The following DDX24 variants were observed in gnomAD, a reference collection of about 807,000 sequenced individuals.
The protein encoded by DDX24 is DEAD-box helicase 24.
A neutral mutation model predicts 68.9 loss-of-function variants in DDX24; 24 were observed. The ratio of observed to expected loss-of-function variants is 0.35; its 90% CI spans 0.25 to 0.49. The LOEUF (loss-of-function observed/expected upper bound fraction) is 0.49. Among genes scored for constraint, DDX24 ranks in the 20% least tolerant of loss-of-function variants. The probability of loss-of-function intolerance (pLI) is 0.99; values close to 1 mark genes in which losing one functional copy is unlikely to be tolerated. For synonymous variants in DDX24, 395 were observed against 385.2 expected, an observed-to-expected ratio of 1.03 and a Z score of -0.30; for missense variants, 989 against 1,039.0, an observed-to-expected ratio of 0.95 and a Z score of 0.66.
At position 94,067,022 on chromosome 14, in the gene DDX24, G is replaced by A. The variant is rs561844910; in HGVS notation, c.719-4401C>T. 5.9e-5 allele frequency among the ~76,000 whole-genome samples: 9 copies of A among 152,294 alleles called. No homozygotes were observed. The East Asian group carries it at 1.3e-3, about 23-fold the overall frequency. On this transcript the variant is annotated intron_variant, in intron 2 of 8. Coordinates refer to ENST00000621632, the MANE Select transcript of DDX24 (RefSeq NM_020414.4). Reference sequence around the variant, plus strand: ...ATTTACCTGAAAGAGAATTCAGGAGGTTAGTTATTAAGCTAATCAGGGAGG... The same window carrying A: ...ATTTACCTGAAAGAGAATTCAGGAGATTAGTTATTAAGCTAATCAGGGAGG...
Position 94,062,614 on chromosome 14 carries a change from C to T in DDX24, c.726G>A (p.Gly242=). ...DILGAAETGS[G]KTLAFAIPMI... ...TTGGGATGGCAAAGGCAAGAGTTTTCCCACTTCCTTAAAAGTAAAAAAACA... is the reference window on the plus strand; with the variant it reads ...TTGGGATGGCAAAGGCAAGAGTTTTTCCACTTCCTTAAAAGTAAAAAAACA... Residue 242 remains glycine (G), a synonymous_variant, in exon 3 of 9, where the codon GGG becomes GGA. Coordinates refer to ENST00000621632, the MANE Select transcript of DDX24 (RefSeq NM_020414.4). 1 of 1,588,392 alleles carries T rather than the reference C, an allele frequency of 6.3e-7. No homozygotes were observed. The highest frequency in any genetic ancestry group is 8.6e-7 in the Non-Finnish European group (1 of 1,168,832).
At chr14:94,057,725 C>A in intron 6 of DDX24, 97 bp downstream of exon 6, 1 of 1,204,974 alleles carries the variant, frequency 8.3e-7, no homozygotes, top group South Asian at 1.4e-5. Context: ...ATGCAAGAGC[C>A]TTGGAACCAA....
At chr14:94,058,880 C>CA (rs1427911888) in intron 5 of DDX24, among the ~76,000 whole-genome samples, 1 of 152,116 alleles carries the variant, frequency 6.6e-6, no homozygotes, top group Non-Finnish European at 1.5e-5. Flanking sequence ...AACTCTGCCG[C>CA]AAAAGAGGAT....
intron 6 of DDX24, 110 bp downstream of exon 6, chr14:94,057,712 C>T (rs1049431869): frequency 2.0e-6 from 2 of 1,021,190 alleles, no homozygotes; most frequent in African/African-American, 1.6e-5. Flanking sequence ...GTGGTATTCT[C>T]TGATGCAAGA....
At position 94,051,790 on chromosome 14, in the gene DDX24, C is replaced by T. The variant is rs147101049; in HGVS notation, c.2309-328G>A. The T allele has an allele frequency of 6.7e-4, 181 of 270,306 alleles. 1 individual carries two copies. Among genetic ancestry groups the T allele is most frequent in the Middle Eastern group, 2.1e-3 (2 of 934 alleles). The allele number at this position is 270,306 out of a possible 1,614,324, so 16.7% of individuals were successfully genotyped here. ...GCCAGTCATCAGACAGAGCCCAGAA[C>T]CCAAGTCTCCTGACTGAAGATCACT... On this transcript the variant is annotated intron_variant, in intron 8 of 8. Transcript: ENST00000621632.
rs897721611 is a variant in DDX24, at chr14:94,055,184, C to A, written c.1990G>T (p.Val664Phe). 1.2e-6 allele frequency: 2 copies of A among 1,611,770 alleles called. No homozygotes were observed. Among genetic ancestry groups the A allele is most frequent in the Non-Finnish European group, 1.7e-6 (2 of 1,178,260 alleles). Residue 664 changes from valine to phenylalanine, a missense_variant and splice_region_variant, in exon 7 of 9, where the codon GTC becomes TTC. By Grantham distance (50) the Val-to-Phe change is conservative. This residue lies in a region of DDX24 where 691 missense variants were observed against 760.0 expected (regional missense o/e 0.91). Coordinates refer to ENST00000621632, the MANE Select transcript of DDX24 (RefSeq NM_020414.4). ...PKVQHVIHYQVPRTSEIYVHR... is the reference protein window; with the variant it reads ...PKVQHVIHYQFPRTSEIYVHR... The stretch of plus-strand genomic sequence containing the variant: ...ACATAAATCTCCGAGGTACGTGGGA[C>A]CTGCCACAGGAAGAACTGGGAGATC...
chr14:94,076,740 T>C (rs1885949097), intron 2 of DDX24, among the ~76,000 whole-genome samples: 2 of 149,196 alleles, frequency 1.3e-5, no homozygotes, highest in African/African-American at 4.9e-5. Flanking sequence ...ATAGAAAGCC[T>C]ATCAGTGGTT....
intron 1 of DDX24, 22 bp from the exon 2 acceptor site, chr14:94,079,769 T>C: frequency 6.2e-7 from 1 of 1,600,856 alleles, no homozygotes; most frequent in Non-Finnish European, 8.5e-7. Context: ...ATACATGTTC[T>C]ATTAGGTTGG....
At chr14:94,066,023 G>A (rs752738781) in intron 2 of DDX24, among the ~76,000 whole-genome samples, 5 of 152,152 alleles carry the variant, frequency 3.3e-5, no homozygotes, top group South Asian at 2.1e-4. Flanking sequence ...GCCAGAACTC[G>A]GGGGAGGGCA....
intron 2 of DDX24, among the ~76,000 whole-genome samples, chr14:94,072,957 T>TA (rs1216935981): frequency 1.3e-5 from 2 of 149,026 alleles, no homozygotes; most frequent in Non-Finnish European, 3.0e-5. Flanking sequence ...AAATTTAAAA[T>TA]AAAAAACAGA....
intron 2 of DDX24, among the ~76,000 whole-genome samples, chr14:94,073,046 T>C (rs1399108831): frequency 6.6e-6 from 1 of 151,274 alleles, no homozygotes; most frequent in Non-Finnish European, 1.5e-5. Flanking sequence ...CAATAATCAT[T>C]AAACGTAAAT....
chr14:94,061,093 CTT>C, intron 3 of DDX24, 27 bp from the exon 4 acceptor site: 1 of 1,610,676 alleles, frequency 6.2e-7, no homozygotes, highest in South Asian at 1.1e-5. Context: ...ATAAGGGACA[CTT>C]ATTCAATCTG....
intron 7 of DDX24, 48 bp from the exon 8 acceptor site, chr14:94,053,175 T>A: frequency 6.2e-7 from 1 of 1,611,296 alleles, no homozygotes. Flanking sequence ...AGTTCAGGCC[T>A]CTGGGAAGCA....
intron 6 of DDX24, 99 bp downstream of exon 6, chr14:94,057,723 G>T: frequency 1.7e-6 from 2 of 1,152,338 alleles, no homozygotes; most frequent in East Asian, 2.5e-5. Flanking sequence ...TGATGCAAGA[G>T]CCTTGGAACC....
chr14:94,062,847 C>T (rs936614941), intron 2 of DDX24, among the ~76,000 whole-genome samples: 1 of 151,666 alleles, frequency 6.6e-6, no homozygotes, highest in African/African-American at 2.4e-5. Flanking sequence ...TCTTAGGTCA[C>T]CAGTAACGAA....
chr14:94,050,510 G>C lies in DDX24; in HGVS notation c.*681C>G, dbSNP rs2043168015. ...CAGGAGCCTGCTCTGTCAAACAGGA[G>C]GGAGTGGAGACAAGGCTGGGGCTAG... On this transcript the variant is annotated 3_prime_UTR_variant, in exon 9 of 9. Transcript: ENST00000621632. The C allele has an allele frequency of 6.6e-6, 1 of 152,396 alleles. No individual in the cohort carries two copies. The highest frequency in any genetic ancestry group is 1.5e-5 in the Non-Finnish European group (1 of 68,190). 9.4% of individuals were successfully genotyped at this position (152,396 alleles called of 1,614,324 possible).
chr14:94,052,456 T>G (rs529377155), intron 8 of DDX24, among the ~76,000 whole-genome samples: 25 of 152,294 alleles, frequency 1.6e-4, no homozygotes, highest in African/African-American at 5.8e-4. Context: ...GAAGATCAAA[T>G]GAGATAATGG....
chr14:94,048,361 C>G lies in DDX24; in HGVS notation c.*2830G>C, dbSNP rs1885320413. 1 of 152,206 alleles carries G rather than the reference C, an allele frequency of 6.6e-6. No homozygotes were observed. Among genetic ancestry groups the G allele is most frequent in the Non-Finnish European group, 1.5e-5 (1 of 68,046 alleles). 9.4% of individuals were successfully genotyped at this position (152,206 alleles called of 1,614,324 possible). On this transcript the variant is annotated 3_prime_UTR_variant, in exon 9 of 9. Coordinates refer to ENST00000621632, the MANE Select transcript of DDX24 (RefSeq NM_020414.4). ...CTTTTAAATCAATGGGAACAATTAG[C>G]AACAGAAAGAGCACAGTCCCTGCTT...
chr14:94,072,632 C>T (rs1221038922), intron 2 of DDX24, among the ~76,000 whole-genome samples: 1 of 152,176 alleles, frequency 6.6e-6, no homozygotes, highest in East Asian at 1.9e-4. Context: ...GAGTTCAAGA[C>T]CAACCTGGCC....
Sources: allele counts gnomAD v4.1 joint callset (sites outside exome capture counted in the v4.1 genomes callset), GRCh38; gene constraint gnomAD v4.1.1; regional missense constraint gnomAD v4.1.1; transcripts MANE v1.5; gene names NCBI Gene and HGNC (gene_info 2026-07-23, HGNC 2026-07-21).